SHISA9: variants seen among roughly 807,000 people sequenced by gnomAD.
SHISA9 encodes the protein protein shisa-9.
SHISA9 carries 13 observed loss-of-function variants against 38.0 expected under a neutral mutation model. That is an observed-to-expected ratio of 0.34 (90% CI 0.22 to 0.54). The LOEUF is 0.54. Among genes scored for constraint, SHISA9 ranks in the 20% least tolerant of loss-of-function variants. The pLI is 0.91. For synonymous variants in SHISA9, 275 were observed against 242.0 expected (o/e 1.14, Z -1.27); for missense variants, 538 against 575.8 (o/e 0.93, Z 0.67).
the SHISA9 span, among the ~76,000 whole-genome samples, chr16:13,441,649 T>C: frequency 6.6e-6 from 1 of 152,180 alleles, no homozygotes; most frequent in African/African-American, 2.4e-5. Flanking sequence ...GTGATTGTGA[T>C]TCCCCTGTCC....
intron 2 of SHISA9, among the ~76,000 whole-genome samples, chr16:12,923,713 C>T (rs1328742001): frequency 2.7e-5 from 4 of 150,702 alleles, no homozygotes; most frequent in African/African-American, 4.9e-5. Context: ...TGGTGGTGGG[C>T]GCCTGTAGTT....
intron 2 of SHISA9, among the ~76,000 whole-genome samples, chr16:12,956,708 A>G (rs942174425): frequency 6.6e-6 from 1 of 152,170 alleles, no homozygotes; most frequent in Non-Finnish European, 1.5e-5. Context: ...AATAATAGAC[A>G]CTGGGGACTC....
chr16:13,203,372 C>T, intron 2 of SHISA9, 22 bp from the exon 3 acceptor site: 1 of 1,510,914 alleles, frequency 6.6e-7, no homozygotes, highest in Non-Finnish European at 8.9e-7. Context: ...GTGACAATCT[C>T]CTTCTGTGTC....
chr16:13,360,820 C>T, the SHISA9 span, among the ~76,000 whole-genome samples: 1 of 152,186 alleles, frequency 6.6e-6, no homozygotes, highest in Admixed American at 6.5e-5. Flanking sequence ...GCTTCAGCCT[C>T]CCGGCCTTCT....
intron 2 of SHISA9, among the ~76,000 whole-genome samples, chr16:12,938,192 T>A (rs576172254): frequency 6.6e-6 from 1 of 152,362 alleles, no homozygotes; most frequent in Admixed American, 6.5e-5. Context: ...AATAAAGCTA[T>A]GCTTGTTCCA....
the SHISA9 span, among the ~76,000 whole-genome samples, chr16:13,306,231 C>G: frequency 1.5e-4 from 23 of 152,162 alleles, no homozygotes; most frequent in African/African-American, 5.6e-4. Context: ...GGCAACCAAT[C>G]TGCAGGAAGG....
chr16:13,524,578 C>CATG, the SHISA9 span, among the ~76,000 whole-genome samples: 22 of 152,158 alleles, frequency 1.4e-4, no homozygotes, highest in South Asian at 1.2e-3. Context: ...AAAATTTTTT[C>CATG]GAAACAGTCT....
chr16:13,388,920 G>A, the SHISA9 span, among the ~76,000 whole-genome samples: 1 of 152,050 alleles, frequency 6.6e-6, no homozygotes, highest in Non-Finnish European at 1.5e-5. Flanking sequence ...AAATTTTATA[G>A]ACATTATTTT....
chr16:13,343,766 C>T, the SHISA9 span, among the ~76,000 whole-genome samples: 1 of 152,106 alleles, frequency 6.6e-6, no homozygotes, highest in East Asian at 1.9e-4. Context: ...GAAAGGCTGA[C>T]TAATTATATT....
At chr16:13,497,697 A>AG in the SHISA9 span, among the ~76,000 whole-genome samples, 11 of 151,438 alleles carry the variant, frequency 7.3e-5, no homozygotes, top group Admixed American at 7.2e-4. Flanking sequence ...AAAAAAAAAA[A>AG]AAAAGAAAAA....
chr16:13,330,130 G>A, the SHISA9 span, among the ~76,000 whole-genome samples: 3 of 152,274 alleles, frequency 2.0e-5, no homozygotes, highest in Admixed American at 6.5e-5. Flanking sequence ...ATGGCCGAGG[G>A]GCCATTCCAG....
At chr16:13,393,196 G>A in the SHISA9 span, among the ~76,000 whole-genome samples, 1 of 152,150 alleles carries the variant, frequency 6.6e-6, no homozygotes, top group East Asian at 1.9e-4. Context: ...ACTGTTGGGG[G>A]ATTGAAATAC....
At chr16:12,977,942 C>A (rs755131941) in intron 2 of SHISA9, among the ~76,000 whole-genome samples, 8 of 151,544 alleles carry the variant, frequency 5.3e-5, no homozygotes, top group Non-Finnish European at 1.0e-4. Context: ...ATGTAGCAAA[C>A]CTGCACATCC....
chr16:13,056,948 T>C (rs2073317778), intron 2 of SHISA9, among the ~76,000 whole-genome samples: 1 of 152,044 alleles, frequency 6.6e-6, no homozygotes, highest in African/African-American at 2.4e-5. Flanking sequence ...CTGGCAGGTG[T>C]GTAGGTTTGG....
At position 12,902,482 on chromosome 16, in the gene SHISA9, G is replaced by C; in HGVS notation, c.418G>C (p.Asp140His). Residue 140 changes from aspartate (D) to histidine (H), a missense_variant, in exon 1 of 5, where the codon GAC (aspartate) becomes CAC (histidine). Asp to His is a moderately conservative substitution (Grantham distance 81). Around this residue, in one of 4 missense-constraint regions of SHISA9, gnomAD observed 88 missense variants for 109.7 expected, o/e 0.80. Transcript: ENST00000558583. ...NTGKPPARKD[D>H]PLHDPTKDKT... ...CGGCAAGCCCCCCGCCCGCAAGGAC[G>C]ACCCCTTGCACGACCCCACCAAGGA... The C allele has an allele frequency of 6.4e-7, 1 of 1,551,444 alleles. No homozygotes were observed. Among genetic ancestry groups the C allele is most frequent in the East Asian group, 2.4e-5 (1 of 40,902 alleles).
intron 2 of SHISA9, among the ~76,000 whole-genome samples, chr16:13,144,140 A>C (rs1301904123): frequency 7.1e-6 from 1 of 141,150 alleles, no homozygotes; most frequent in Non-Finnish European, 1.5e-5. Context: ...ATTATTTTGC[A>C]GTTGGAGGGG....
chr16:13,042,044 A>C (rs1483096898), intron 2 of SHISA9, among the ~76,000 whole-genome samples: 2 of 152,170 alleles, frequency 1.3e-5, no homozygotes, highest in Non-Finnish European at 2.9e-5. Context: ...CTGGCTAATC[A>C]GGGGGATATT....
the SHISA9 span, among the ~76,000 whole-genome samples, chr16:13,411,859 A>C: frequency 2.6e-5 from 4 of 152,230 alleles, no homozygotes; most frequent in Non-Finnish European, 5.9e-5. Flanking sequence ...ATTTGCTACC[A>C]GAAAGAGGAA....
chr16:13,218,632 C>T (rs571115927), intron 4 of SHISA9, among the ~76,000 whole-genome samples: 111 of 152,220 alleles, frequency 7.3e-4, no homozygotes, highest in African/African-American at 2.5e-3. Flanking sequence ...TCATCTGTCA[C>T]GTGGAAAGAA....
Sources: gnomAD v4.1 joint callset for allele counts (sites outside exome capture counted in the v4.1 genomes callset) on GRCh38, gnomAD v4.1.1 for gene constraint, gnomAD v4.1.1 regional missense constraint, MANE v1.5 for transcripts, NCBI Gene and HGNC (gene_info 2026-07-23, HGNC 2026-07-21) for gene names.